The following HSBP1 variants were observed in gnomAD, a reference collection of about 807,000 sequenced individuals.
The protein encoded by HSBP1 is heat shock factor-binding protein 1.
HSBP1 carries 5 observed loss-of-function variants against 9.6 expected under a neutral mutation model. The ratio of observed to expected loss-of-function variants is 0.52; its 90% CI spans 0.27 to 1.09. HSBP1 has a LOEUF of 1.09. HSBP1 is among the 50% of genes least tolerant of loss of function. The pLI is 0.11. For synonymous variants in HSBP1, 42 were observed against 33.3 expected (o/e 1.26, Z -0.90); for missense variants, 121 against 96.3 (o/e 1.26, Z -1.07).
chr16:83,818,459 G>T lies in HSBP1; in HGVS notation c.*7041G>T, dbSNP rs968644124. On this transcript the variant is annotated 3_prime_UTR_variant, in exon 4 of 4. Transcript: ENST00000433866. The stretch of plus-strand genomic sequence containing the variant: ...TGTATTCCAGAACAATTGTGGACAA[G>T]ATTTGCTAGTAATGCTTCCAACAAG... The T allele has an allele frequency of 1.3e-5, 2 of 152,222 alleles. No individual in the cohort carries two copies. The highest frequency in any genetic ancestry group is 4.8e-5 in the African/African-American group (2 of 41,452). 9.4% of individuals were successfully genotyped at this position (152,222 alleles called of 1,614,324 possible).
In HSBP1 at chr16:83,808,132, G is replaced by T; in HGVS notation, c.45+11G>T. The T allele has an allele frequency of 6.5e-7, 1 of 1,544,062 alleles. No homozygotes were observed. Among genetic ancestry groups the T allele is most frequent in the Non-Finnish European group, 8.7e-7 (1 of 1,143,518 alleles). On this transcript the variant is annotated intron_variant, in intron 1 of 3. Coordinates refer to ENST00000433866, the MANE Select transcript of HSBP1 (RefSeq NM_001537.4). ...GACCTCACCTCGGTGGTAAGGGACGGCTGTGAGGGCCGGAGGCCGCGGCCT... is the reference window on the plus strand; with the variant it reads ...GACCTCACCTCGGTGGTAAGGGACGTCTGTGAGGGCCGGAGGCCGCGGCCT...
In HSBP1 at chr16:83,812,025, A is replaced by T. The variant is rs942167644; in HGVS notation, c.*607A>T. ...TCCCTGAGATCACATGCTAAAGTCG[A>T]TGAAAAGTAACCACTGCCACTGTCT... On this transcript the variant is annotated 3_prime_UTR_variant, in exon 4 of 4. Coordinates refer to ENST00000433866, the MANE Select transcript of HSBP1 (RefSeq NM_001537.4). 1.3e-5 allele frequency: 2 copies of T among 152,826 alleles called. No individual in the cohort carries two copies. The highest frequency in any genetic ancestry group is 1.3e-4 in the Admixed American group (2 of 15,312). 9.5% of individuals were successfully genotyped at this position (152,826 alleles called of 1,614,324 possible). A position where few individuals can be genotyped will look rare whatever the true frequency, so the allele number is the denominator to read the frequency against.
At position 83,811,538 on chromosome 16, in the gene HSBP1, A is replaced by C. The variant is rs1904601032; in HGVS notation, c.*120A>C. 6.6e-6 allele frequency: 1 copy of C among 152,258 alleles called. No homozygotes were observed. The highest frequency in any genetic ancestry group is 1.5e-5 in the Non-Finnish European group (1 of 68,044). 9.4% of individuals were successfully genotyped at this position (152,258 alleles called of 1,614,324 possible). A position where few individuals can be genotyped will look rare whatever the true frequency, so the allele number is the denominator to read the frequency against. On this transcript the variant is annotated 3_prime_UTR_variant, in exon 4 of 4. Coordinates refer to ENST00000433866, the MANE Select transcript of HSBP1 (RefSeq NM_001537.4). ...TTTATATTATAAAGTATGCATTCTT[A>C]TCACCTAGTATATAGTTAGTTTGTA... is the stretch of plus-strand genomic sequence containing the variant.
Position 83,817,850 on chromosome 16 carries a change from G to A in HSBP1, c.*6432G>A, listed in dbSNP as rs1191871278. On this transcript the variant is annotated 3_prime_UTR_variant, in exon 4 of 4. Transcript: ENST00000433866. ...GCTCCAGAATCTTATTGAGGCAAAG[G>A]ACTGGACCGAATTATTCATGGAACA... The A allele has an allele frequency of 6.6e-6, 1 of 152,124 alleles. No homozygotes were observed. The highest frequency in any genetic ancestry group is 2.1e-4 in the South Asian group (1 of 4,824). 9.4% of individuals were successfully genotyped at this position (152,124 alleles called of 1,614,324 possible).
Position 83,816,368 on chromosome 16 carries a change from C to G in HSBP1, c.*4950C>G, listed in dbSNP as rs927559436. On this transcript the variant is annotated 3_prime_UTR_variant, in exon 4 of 4. Coordinates refer to ENST00000433866, the MANE Select transcript of HSBP1 (RefSeq NM_001537.4). ...TGAGCCGAGATCGTGCCACTGCACT[C>G]CAGCCTGGGTAACAGAGCGAGACTC... The G allele has an allele frequency of 3.9e-5, 6 of 151,978 alleles. No individual in the cohort carries two copies. Among genetic ancestry groups the G allele is most frequent in the African/African-American group, 1.5e-4 (6 of 41,360 alleles). The allele number at this position is 151,978 out of a possible 1,614,324, so 9.4% of individuals were successfully genotyped here.
chr16:83,816,583 G>A lies in HSBP1; in HGVS notation c.*5165G>A, dbSNP rs938963208. 1 of 152,088 alleles carries A rather than the reference G, an allele frequency of 6.6e-6. No individual in the cohort carries two copies. 9.4% of individuals were successfully genotyped at this position (152,088 alleles called of 1,614,324 possible). On this transcript the variant is annotated 3_prime_UTR_variant, in exon 4 of 4. Coordinates refer to ENST00000433866, the MANE Select transcript of HSBP1 (RefSeq NM_001537.4). ...TGCCTAAAATGATCCTGGCAAACAG[G>A]ACCCGCATGATAGGTTGAGCCATGT...
chr16:83,817,513 A>G lies in HSBP1; in HGVS notation c.*6095A>G, dbSNP rs1468150125. The G allele has an allele frequency of 6.6e-6, 1 of 152,194 alleles. No individual in the cohort carries two copies. 9.4% of individuals were successfully genotyped at this position (152,194 alleles called of 1,614,324 possible). The stretch of plus-strand genomic sequence containing the variant: ...TCAGAGGCTCTCGAAAGCTGTTGAC[A>G]TTATCAAAAAGTTTTCCAGCTGGAA... On this transcript the variant is annotated 3_prime_UTR_variant, in exon 4 of 4. Coordinates refer to ENST00000433866, the MANE Select transcript of HSBP1 (RefSeq NM_001537.4).
chr16:83,809,333 T>G lies in HSBP1; in HGVS notation c.141T>G (p.Asp47Glu), dbSNP rs1420820882. ...ATGATATGAGTAGTCGCATTGATGATCTGGAAAAGAATATCGCGGACCTCA... is the reference window on the plus strand; with the variant it reads ...ATGATATGAGTAGTCGCATTGATGAGCTGGAAAAGAATATCGCGGACCTCA... The part of the protein sequence containing the change: ...RIDDMSSRID[D>E]LEKNIADLMT... Residue 47 changes from aspartate (D) to glutamate (E), a missense_variant, in exon 3 of 4, where the codon GAT becomes GAG. By Grantham distance (45) the Asp-to-Glu change is conservative (BLOSUM62 2). Transcript: ENST00000433866. The G allele has an allele frequency of 3.7e-6, 6 of 1,600,860 alleles. No homozygotes were observed. In the South Asian group the frequency reaches 6.8e-5, roughly 18 times the overall value.
Position 83,810,782 on chromosome 16 carries a change from C to T in HSBP1, c.*3-639C>T, listed in dbSNP as rs1028129240. Among the ~76,000 whole-genome samples, 3 of 152,058 alleles carry T rather than the reference C, an allele frequency of 2.0e-5. No homozygotes were observed. In the South Asian group the frequency reaches 6.2e-4, roughly 32 times the overall value. On this transcript the variant is annotated intron_variant, in intron 3 of 3. Coordinates refer to ENST00000433866, the MANE Select transcript of HSBP1 (RefSeq NM_001537.4). ...CGTGATGATGCCACTGCACTCCAGC[C>T]TGGGAGACAGAGCAAGACTCTGTCT...
intron 2 of HSBP1, chr16:83,809,050 T>C: frequency 3.6e-6 from 2 of 550,826 alleles, no homozygotes; most frequent in Non-Finnish European, 6.4e-6. Context: ...GAGTGGGTTG[T>C]AGTGTTATCA....
rs1288301268 is a variant in HSBP1 at position 83,814,317 on chromosome 16, CTG to C, written c.*2900_*2901del. The C allele has an allele frequency of 6.6e-5, 10 of 152,382 alleles. No homozygotes were observed. In the East Asian group the frequency reaches 1.9e-3, roughly 29 times the overall value. The allele number at this position is 152,382 out of a possible 1,614,324, so 9.4% of individuals were successfully genotyped here. On this transcript the variant is annotated 3_prime_UTR_variant, in exon 4 of 4. Coordinates refer to ENST00000433866, the MANE Select transcript of HSBP1 (RefSeq NM_001537.4). ...GTTTGGCTTAATCCTCACAACAACA[CTG>C]AGAGGTTTTCATTTGATGAGTCATA...
rs374461963 is a variant in HSBP1, at chr16:83,808,118, G to C, written c.42G>C (p.Ser14=). The change falls in exon 1 of 4, where the codon TCG becomes TCC. Residue 14 remains serine (S), a synonymous_variant. Coordinates refer to ENST00000433866, the MANE Select transcript of HSBP1 (RefSeq NM_001537.4). ...TDPKTVQDLT[S]VVQTLLQQMQ... ...CCAAGACCGTGCAGGACCTCACCTCGGTGGTAAGGGACGGCTGTGAGGGCC... is the reference window on the plus strand; with the variant it reads ...CCAAGACCGTGCAGGACCTCACCTCCGTGGTAAGGGACGGCTGTGAGGGCC... 20 of 1,546,424 alleles carry C rather than the reference G, an allele frequency of 1.3e-5. No individual in the cohort carries two copies. The highest frequency in any genetic ancestry group is 1.7e-5 in the Non-Finnish European group (19 of 1,144,696).
At chr16:83,809,722 CCT>C (rs1202472414) in intron 3 of HSBP1, among the ~76,000 whole-genome samples, 1 of 151,968 alleles carries the variant, frequency 6.6e-6, no homozygotes, top group Admixed American at 6.6e-5. Context: ...CCCGCCTCAG[CCT>C]CTCAAAGTGC....
chr16:83,809,365 A>G lies in HSBP1; in HGVS notation c.173A>G (p.Gln58Arg). 2 of 1,605,542 alleles carry G rather than the reference A, an allele frequency of 1.2e-6. No homozygotes were observed. The highest frequency in any genetic ancestry group is 1.7e-6 in the Non-Finnish European group (2 of 1,175,930). ...AAGAATATCGCGGACCTCATGACAC[A>G]GGCTGGGGTGGAAGAACTGGAAAGT... Reference protein sequence around the residue: ...LEKNIADLMTQAGVEELESEN... With the variant: ...LEKNIADLMTRAGVEELESEN... Residue 58 changes from glutamine to arginine, a missense_variant, in exon 3 of 4, where the codon CAG becomes CGG. Gln to Arg is a conservative substitution (Grantham distance 43, BLOSUM62 1). Transcript: ENST00000433866.
At position 83,813,269 on chromosome 16, in the gene HSBP1, G is replaced by GGGTTTAGACGACATTCTGTGAACC. The variant is rs1167176527; in HGVS notation, c.*1852_*1875dup. The GGGTTTAGACGACATTCTGTGAACC allele has an allele frequency of 6.6e-6, 1 of 152,274 alleles. No individual in the cohort carries two copies. Among genetic ancestry groups the GGGTTTAGACGACATTCTGTGAACC allele is most frequent in the Non-Finnish European group, 1.5e-5 (1 of 68,094 alleles). 9.4% of individuals were successfully genotyped at this position (152,274 alleles called of 1,614,324 possible). A position where few individuals can be genotyped will look rare whatever the true frequency, so the allele number is the denominator to read the frequency against. On this transcript the variant is annotated 3_prime_UTR_variant, in exon 4 of 4. Coordinates refer to ENST00000433866, the MANE Select transcript of HSBP1 (RefSeq NM_001537.4). Reference sequence around the variant, plus strand: ...AGGAAGGAAGGGGTTATGGTCACTTGGGTTTAGACGACATTCTGTGAACCT... The same window carrying GGGTTTAGACGACATTCTGTGAACC: ...AGGAAGGAAGGGGTTATGGTCACTTGGGTTTAGACGACATTCTGTGAACCGGTTTAGACGACATTCTGTGAACCT...
In HSBP1 at chr16:83,807,988, C is replaced by G. The variant is rs942821827; in HGVS notation, c.-89C>G. 8.2e-7 allele frequency: 1 copy of G among 1,217,538 alleles called. No homozygotes were observed. 75.4% of individuals were successfully genotyped at this position (1,217,538 alleles called of 1,614,324 possible). A position where few individuals can be genotyped will look rare whatever the true frequency, so the allele number is the denominator to read the frequency against. On this transcript the variant is annotated 5_prime_UTR_variant, in exon 1 of 4. Transcript: ENST00000433866. ...GTCCCGCGAGCTGCCAGTCTCGTCG[C>G]GAGAAGCAGCGGCCCGGGGCGACTG...
At position 83,813,291 on chromosome 16, in the gene HSBP1, A is replaced by C. The variant is rs1449306207; in HGVS notation, c.*1873A>C. The C allele has an allele frequency of 6.6e-6, 1 of 152,230 alleles. No individual in the cohort carries two copies. The highest frequency in any genetic ancestry group is 6.5e-5 in the Admixed American group (1 of 15,286). 9.4% of individuals were successfully genotyped at this position (152,230 alleles called of 1,614,324 possible). A position where few individuals can be genotyped will look rare whatever the true frequency, so the allele number is the denominator to read the frequency against. ...CTTGGGTTTAGACGACATTCTGTGA[A>C]CCTCATGAAGAAATTAGCATATTAA... On this transcript the variant is annotated 3_prime_UTR_variant, in exon 4 of 4. Transcript: ENST00000433866.
At chr16:83,810,617 A>G (rs1250630510) in intron 3 of HSBP1, among the ~76,000 whole-genome samples, 2 of 151,178 alleles carry the variant, frequency 1.3e-5, no homozygotes, top group Non-Finnish European at 1.5e-5. Flanking sequence ...AGGGCAGATC[A>G]GTTGATGTGA....
Position 83,808,677 on chromosome 16 carries a change from T to G in HSBP1, c.46-3T>G. On this transcript the variant is annotated splice_polypyrimidine_tract_variant and splice_region_variant and intron_variant, in intron 1 of 3. Transcript: ENST00000433866. ...CGTGTTTGTTTGTTTCGGTTTTTCTTAGGTGCAGACACTCCTGCAGCAGAT... is the reference window on the plus strand; with the variant it reads ...CGTGTTTGTTTGTTTCGGTTTTTCTGAGGTGCAGACACTCCTGCAGCAGAT... 1.2e-6 allele frequency: 2 copies of G among 1,609,676 alleles called. No individual in the cohort carries two copies. Among genetic ancestry groups the G allele is most frequent in the Non-Finnish European group, 1.7e-6 (2 of 1,176,688 alleles).
Sources: allele counts gnomAD v4.1 joint callset (sites outside exome capture counted in the v4.1 genomes callset), GRCh38; gene constraint gnomAD v4.1.1; transcripts MANE v1.5; gene names NCBI Gene and HGNC (gene_info 2026-07-23, HGNC 2026-07-21).